DHCR7: variants seen among roughly 807,000 people sequenced by gnomAD.
DHCR7 encodes the protein 7-DHC reductase.
Under a neutral mutation model 43.3 loss-of-function variants are expected in DHCR7, and 40 were observed. That is an observed-to-expected ratio of 0.92 (90% CI 0.72 to 1.20). DHCR7 has a LOEUF of 1.20. Ranked by LOEUF, DHCR7 falls within the 50% of genes most tolerant of loss-of-function variation. DHCR7 has a pLI of 0.00. For synonymous variants in DHCR7, 298 were observed against 271.4 expected, an observed-to-expected ratio of 1.10 and a Z score of -0.96; for missense variants, 608 against 644.6, an observed-to-expected ratio of 0.94 and a Z score of 0.62.
exon 3 of DHCR7, chr11:71,428,831 C>T: frequency 2.2e-6 from 1 of 456,292 alleles, no homozygotes; most frequent in Middle Eastern, 3.3e-4. Context: ...CTCTACTCAG[C>T]CTCCACAGCA....
intron 1 of DHCR7, chr11:71,447,987 G>T (rs1949421837): frequency 6.5e-6 from 1 of 152,878 alleles, no homozygotes; most frequent in African/African-American, 2.4e-5. Context: ...AGCGCGGCAT[G>T]GGGCCAGGAG....
At chr11:71,444,326 A>G in intron 3 of DHCR7, 111 bp from the exon 4 acceptor site, 1 of 883,340 alleles carries the variant, frequency 1.1e-6, no homozygotes, top group Non-Finnish European at 1.8e-6. Flanking sequence ...CCAGTACCCC[A>G]TGACAGAAGG....
chr11:71,447,535 A>G (rs1445386992), intron 2 of DHCR7, 75 bp downstream of exon 2: 9 of 152,242 alleles, frequency 5.9e-5, no homozygotes, highest in Admixed American at 2.6e-4. Flanking sequence ...GAGCTGGTGG[A>G]CCAGTCTGTC....
At chr11:71,439,746 T>C (rs1032308241) in intron 6 of DHCR7, among the ~76,000 whole-genome samples, 2 of 152,172 alleles carry the variant, frequency 1.3e-5, no homozygotes, top group African/African-American at 4.8e-5. Flanking sequence ...AAAATCCTAT[T>C]TTCATGTCCA....
At chr11:71,446,418 C>T (rs1248974661) in intron 2 of DHCR7, among the ~76,000 whole-genome samples, 1 of 152,174 alleles carries the variant, frequency 6.6e-6, no homozygotes, top group Non-Finnish European at 1.5e-5. Context: ...TATACTCTGA[C>T]TATTTATTGA....
chr11:71,436,029 T>C, intron 8 of DHCR7, 190 bp from the exon 9 acceptor site: 1 of 623,636 alleles, frequency 1.6e-6, no homozygotes, highest in Non-Finnish European at 2.9e-6. Context: ...TGAGTAACTC[T>C]ACCTGCCTTC....
At chr11:71,439,818 T>C (rs908348753) in intron 6 of DHCR7, among the ~76,000 whole-genome samples, 1 of 152,194 alleles carries the variant, frequency 6.6e-6, no homozygotes, top group Non-Finnish European at 1.5e-5. Flanking sequence ...GATTATAAGG[T>C]AGCGAGGATG....
rs376037564 is a variant in DHCR7 at position 71,437,782 on chromosome 11, C to T, written c.963+30G>A. The T allele has an allele frequency of 1.7e-4, 272 of 1,613,206 alleles. No homozygotes were observed. Among genetic ancestry groups the T allele is most frequent in the Non-Finnish European group, 2.1e-4 (252 of 1,179,960 alleles). ...GCTTAGCATGTGTCTGCCAAATGCC[C>T]CGCTGGGCCAGCTCTGCCCACCTCC... On this transcript the variant is annotated intron_variant, in intron 8 of 8. Coordinates refer to ENST00000355527, the MANE Select transcript of DHCR7 (RefSeq NM_001360.3).
At chr11:71,442,374 G>A in intron 4 of DHCR7, 21 bp from the exon 5 acceptor site, 1 of 1,591,842 alleles carries the variant, frequency 6.3e-7, no homozygotes, top group East Asian at 2.2e-5. Context: ...CAAGCAGCCT[G>A]ATCACCCCCC....
intron 4 of DHCR7, among the ~76,000 whole-genome samples, chr11:71,442,680 G>A (rs1053334659): frequency 3.9e-5 from 6 of 152,082 alleles, no homozygotes; most frequent in African/African-American, 1.4e-4. Flanking sequence ...TCTTTGAGAT[G>A]AGGTCTTGTT....
rs776334336 is a variant in DHCR7, at chr11:71,441,353, C to G, written c.500G>C (p.Trp167Ser). 3.1e-6 allele frequency: 5 copies of G among 1,614,196 alleles called. No homozygotes were observed. Among genetic ancestry groups the G allele is most frequent in the Admixed American group, 1.7e-5 (1 of 60,018 alleles). Residue 167 changes from tryptophan (W) to serine (S), a missense_variant, in exon 6 of 9, where the codon TGG becomes TCG. Transcript: ENST00000355527. Reference sequence around the variant, plus strand: ...GTCGAAGATGATGGTGGGCGAGAACCAGGACAGGAGATGAGCGTTTGCAAA... The same window carrying G: ...GTCGAAGATGATGGTGGGCGAGAACGAGGACAGGAGATGAGCGTTTGCAAA... ...LWFANAHLLS[W>S]FSPTIIFDNW...
At position 71,435,584 on chromosome 11, in the gene DHCR7, T is replaced by A. The variant is rs770819693; in HGVS notation, c.1219A>T (p.Asn407Tyr). 8.7e-6 allele frequency: 14 copies of A among 1,611,286 alleles called. No individual in the cohort carries two copies. The highest frequency in any genetic ancestry group is 1.2e-5 in the Non-Finnish European group (14 of 1,179,886). Residue 407 changes from asparagine to tyrosine, a missense_variant, in exon 9 of 9, where the codon AAC (asparagine) becomes TAC (tyrosine). By Grantham distance (143) the Asn-to-Tyr change is moderately radical. Transcript: ENST00000355527. The part of the protein sequence containing the change: ...SGFWGVARHF[N>Y]YVGDLMGSLA... Reference sequence around the variant, plus strand: ...CTGCCCATCAGGTCGCCGACGTAGTTGAAGTGGCGGGCCACGCCCCAGAAG... The same window carrying A: ...CTGCCCATCAGGTCGCCGACGTAGTAGAAGTGGCGGGCCACGCCCCAGAAG...
chr11:71,446,724 G>C (rs545169774), intron 2 of DHCR7, among the ~76,000 whole-genome samples: 1 of 152,220 alleles, frequency 6.6e-6, no homozygotes, highest in Non-Finnish European at 1.5e-5. Context: ...TTCAGTACCC[G>C]CACTTCATTC....
chr11:71,435,771 G>T lies in DHCR7; in HGVS notation c.1032C>A (p.Gly344=). The T allele has an allele frequency of 6.2e-7, 1 of 1,609,608 alleles. No homozygotes were observed. The highest frequency in any genetic ancestry group is 8.5e-7 in the Non-Finnish European group (1 of 1,177,130). Residue 344 remains glycine, a synonymous_variant, in exon 9 of 9, where the codon GGC becomes GGA. Coordinates refer to ENST00000355527, the MANE Select transcript of DHCR7 (RefSeq NM_001360.3). ...TPHAVGVLLL[G]LVGYYIFRVA... ...CCCGGAAGATGTAGTAGCCCACCAG[G>T]CCCAGCAGCAGGACGCCCACGGCGT...
At chr11:71,430,283 G>A (rs578203497), downstream of DHCR7, among the ~76,000 whole-genome samples, 46 of 152,324 alleles carry the variant, frequency 3.0e-4, no homozygotes, top group African/African-American at 1.0e-3. Context: ...GGGGCGCCCC[G>A]TCTACTCAGC....
chr11:71,442,259 C>T lies in DHCR7; in HGVS notation c.412+4G>A, dbSNP rs776841323. 46 of 1,610,380 alleles carry T rather than the reference C, an allele frequency of 2.9e-5. No homozygotes were observed. Among genetic ancestry groups the T allele is most frequent in the Non-Finnish European group, 3.6e-5 (42 of 1,177,644 alleles). ...CCTGGGGAGGGTGGAAGGGAGGAGG[C>T]TACCTGCAGGAGTCACGGCCCCCTC... On this transcript the variant is annotated splice_donor_region_variant and intron_variant, in intron 5 of 8. Transcript: ENST00000355527.
chr11:71,430,682 C>A (rs977861753), downstream of DHCR7, among the ~76,000 whole-genome samples: 1 of 152,104 alleles, frequency 6.6e-6, no homozygotes, highest in African/African-American at 2.4e-5. Flanking sequence ...TGGTGAAGGC[C>A]GAGAATTTTA....
At position 71,437,894 on chromosome 11, in the gene DHCR7, G is replaced by A. The variant is rs1179380860; in HGVS notation, c.881C>T (p.Thr294Ile). ...GAAGTGGTCATGGCAGATGTCAATGGTCTTCAGGTACCAGGTTTCGTTCCA... is the reference window on the plus strand; with the variant it reads ...GAAGTGGTCATGGCAGATGTCAATGATCTTCAGGTACCAGGTTTCGTTCCA... ...FFWNETWYLK[T>I]IDICHDHFGW... Residue 294 changes from threonine to isoleucine, a missense_variant, in exon 8 of 9, where the codon ACC becomes ATC. By Grantham distance (89) the Thr-to-Ile change is moderately conservative. Coordinates refer to ENST00000355527, the MANE Select transcript of DHCR7 (RefSeq NM_001360.3). 1 of 1,614,008 alleles carries A rather than the reference G, an allele frequency of 6.2e-7. No individual in the cohort carries two copies. Among genetic ancestry groups the A allele is most frequent in the Admixed American group, 1.7e-5 (1 of 60,028 alleles).
chr11:71,435,573 G>C lies in DHCR7; in HGVS notation c.1230C>G (p.Gly410=). 6.2e-7 allele frequency: 1 copy of C among 1,610,848 alleles called. No homozygotes were observed. The highest frequency in any genetic ancestry group is 8.5e-7 in the Non-Finnish European group (1 of 1,179,858). ...WGVARHFNYV[G]DLMGSLAYCL... is the part of the protein sequence containing the mutation. Reference sequence around the variant, plus strand: ...AGTAGGCCAGGCTGCCCATCAGGTCGCCGACGTAGTTGAAGTGGCGGGCCA... The same window carrying C: ...AGTAGGCCAGGCTGCCCATCAGGTCCCCGACGTAGTTGAAGTGGCGGGCCA... Residue 410 remains glycine, a synonymous_variant, in exon 9 of 9, where the codon GGC becomes GGG. Transcript: ENST00000355527.
Sources: allele counts gnomAD v4.1 joint callset (sites outside exome capture counted in the v4.1 genomes callset), GRCh38; gene constraint gnomAD v4.1.1; transcripts MANE v1.5; gene names NCBI Gene and HGNC (gene_info 2026-07-23, HGNC 2026-07-21).